Variants in FRMD4B observed in about 807,000 individuals in gnomAD.
FRMD4B encodes the protein FERM domain containing 4B.
In FRMD4B, 74 loss-of-function variants were observed where a neutral mutation model predicts 141.5. The observed-to-expected ratio is 0.52, with a 90% CI of 0.43 to 0.63. FRMD4B has a LOEUF of 0.63. FRMD4B is among the 30% of genes least tolerant of loss of function. The pLI, the probability that FRMD4B is intolerant of heterozygous loss-of-function variation, is 0.00. For synonymous variants in FRMD4B, 506 were observed against 467.9 expected (o/e 1.08, Z -1.05); for missense variants, 1,366 against 1,253.4 (o/e 1.09, Z -1.36).
intron 5 of FRMD4B, among the ~76,000 whole-genome samples, chr3:69,278,689 C>T (rs751660897): frequency 3.3e-5 from 5 of 151,118 alleles, no homozygotes; most frequent in Non-Finnish European, 5.9e-5. Flanking sequence ...TGGGTTCAAG[C>T]GATCCTCCCA....
At chr3:69,277,291 G>T (rs776291027) in intron 5 of FRMD4B, among the ~76,000 whole-genome samples, 1 of 152,028 alleles carries the variant, frequency 6.6e-6, no homozygotes, top group Non-Finnish European at 1.5e-5. Context: ...ATCTACTCCT[G>T]ATAAGCTGGA....
At chr3:69,486,154 G>T (rs1234111010) in intron 1 of FRMD4B, among the ~76,000 whole-genome samples, 1 of 152,210 alleles carries the variant, frequency 6.6e-6, no homozygotes. Context: ...TTGGCTGGAA[G>T]TCTGGTTATT....
chr3:69,364,603 A>G (rs1046798214), intron 1 of FRMD4B, among the ~76,000 whole-genome samples: 2 of 152,196 alleles, frequency 1.3e-5, no homozygotes, highest in African/African-American at 4.8e-5. Flanking sequence ...CAGAATAACC[A>G]TGGCATTAAT....
At chr3:69,263,524 A>T (rs969012681) in intron 5 of FRMD4B, among the ~76,000 whole-genome samples, 2 of 148,460 alleles carry the variant, frequency 1.3e-5, no homozygotes, top group Non-Finnish European at 3.0e-5. Flanking sequence ...TTCCCACCTC[A>T]GTCTTCCAAA....
chr3:69,393,638 T>C (rs1198779608), intron 2 of FRMD4B, among the ~76,000 whole-genome samples: 4 of 152,216 alleles, frequency 2.6e-5, no homozygotes, highest in African/African-American at 9.6e-5. Context: ...AATAAAATAG[T>C]TAAAAATTGG....
intron 1 of FRMD4B, among the ~76,000 whole-genome samples, chr3:69,351,327 A>G (rs1013451548): frequency 6.6e-6 from 1 of 152,236 alleles, no homozygotes; most frequent in Admixed American, 6.5e-5. Context: ...CCTCAGGGAC[A>G]AACGTAAGTC....
At chr3:69,251,747 A>G (rs2093464729) in intron 5 of FRMD4B, among the ~76,000 whole-genome samples, 1 of 152,254 alleles carries the variant, frequency 6.6e-6, no homozygotes, top group Non-Finnish European at 1.5e-5. Flanking sequence ...GATTGCAGAA[A>G]TCAACTGCCC....
In FRMD4B at chr3:69,181,441, TTC is replaced by T; in HGVS notation, c.2307_2308del (p.Asn770CysfsTer17). On this transcript the variant is annotated frameshift_variant, in exon 21 of 23. Coordinates refer to ENST00000398540, the MANE Select transcript of FRMD4B (RefSeq NM_015123.3). LOFTEE classifies it high-confidence loss of function. ...GCTTCCTGAATTTGAAGTAGAAACA[TTC>T]TGTTTCTTTGACCTCCTCCGACCCC... The T allele has an allele frequency of 1.9e-6, 3 of 1,613,822 alleles. No homozygotes were observed. Among genetic ancestry groups the T allele is most frequent in the Non-Finnish European group, 2.5e-6 (3 of 1,179,748 alleles).
intron 5 of FRMD4B, among the ~76,000 whole-genome samples, chr3:69,263,978 C>T (rs948037811): frequency 6.6e-6 from 1 of 151,320 alleles, no homozygotes; most frequent in Non-Finnish European, 1.5e-5. Flanking sequence ...GGCACACACC[C>T]CCAAGCCCTG....
At chr3:69,384,141 ATTGGCTCAGTC>A (rs1236587024) in intron 1 of FRMD4B, among the ~76,000 whole-genome samples, 7 of 152,162 alleles carry the variant, frequency 4.6e-5, no homozygotes, top group Non-Finnish European at 7.3e-5. Flanking sequence ...ATGATATGGT[ATTGGCTCAGTC>A]ACCATCCATT....
chr3:69,517,664 T>G (rs942886234), intron 1 of FRMD4B, among the ~76,000 whole-genome samples: 3 of 152,182 alleles, frequency 2.0e-5, no homozygotes, highest in African/African-American at 4.8e-5. Flanking sequence ...CCGGGCTTCC[T>G]GACTCCAATC....
rs182994307 is a variant in FRMD4B at position 69,275,606 on chromosome 3, A to T, written c.501+12146T>A. Reference sequence around the variant, plus strand: ...AGGCATGTACCCAGCTAGTTTTTTTAATTTTTTGTAGAGATAGGGTCTCTA... The same window carrying T: ...AGGCATGTACCCAGCTAGTTTTTTTTATTTTTTGTAGAGATAGGGTCTCTA... On this transcript the variant is annotated intron_variant, in intron 5 of 22. Transcript: ENST00000398540. Among the ~76,000 whole-genome samples the T allele has an allele frequency of 9.0e-3, 1,363 of 151,578 alleles. 23 individuals are homozygous for T. The highest frequency in any genetic ancestry group is 0.032 in the African/African-American group (1,302 of 41,276).
At chr3:69,273,497 T>C (rs536910824) in intron 5 of FRMD4B, among the ~76,000 whole-genome samples, 1 of 152,340 alleles carries the variant, frequency 6.6e-6, no homozygotes, top group South Asian at 2.1e-4. Flanking sequence ...AAGTAAAGTA[T>C]CAACTCTGGA....
chr3:69,286,312 T>C lies in FRMD4B; in HGVS notation c.501+1440A>G, dbSNP rs1004782040. The stretch of plus-strand genomic sequence containing the variant: ...TTGAATATTTACACAAAAATAATAA[T>C]GTCATGTGCATCTGTAACTTATCTA... On this transcript the variant is annotated intron_variant, in intron 5 of 22. Transcript: ENST00000398540. 5.3e-5 allele frequency among the ~76,000 whole-genome samples: 8 copies of C among 152,306 alleles called. No homozygotes were observed. In the Middle Eastern group the frequency reaches 0.01, roughly 194 times the overall value.
At chr3:69,417,914 T>C (rs942691447) in intron 2 of FRMD4B, among the ~76,000 whole-genome samples, 4 of 152,224 alleles carry the variant, frequency 2.6e-5, no homozygotes, top group African/African-American at 7.2e-5. Flanking sequence ...TGTGGCCACA[T>C]CACTCTAATC....
chr3:69,414,399 A>G (rs562131568), intron 2 of FRMD4B, among the ~76,000 whole-genome samples: 85 of 152,308 alleles, frequency 5.6e-4, no homozygotes, highest in Non-Finnish European at 4.7e-4. Flanking sequence ...CTTTTTACAA[A>G]TCTATACTAT....
At chr3:69,536,784 T>C (rs1394662230) in intron 1 of FRMD4B, 3 of 447,566 alleles carry the variant, frequency 6.7e-6, no homozygotes, top group African/African-American at 6.1e-5. Context: ...TCTTGCTCTG[T>C]CGCTCAGGCT....
intron 4 of FRMD4B, among the ~76,000 whole-genome samples, chr3:69,288,257 T>C (rs896238813): frequency 1.3e-5 from 2 of 152,256 alleles, no homozygotes; most frequent in South Asian, 4.1e-4. Context: ...CAAAGCCTGC[T>C]TGAGGCTCGG....
chr3:69,209,416 T>A (rs4566538), intron 11 of FRMD4B, among the ~76,000 whole-genome samples: 103,873 of 152,114 alleles, frequency 0.68, 37,085 homozygotes, highest in Non-Finnish European at 0.78. Context: ...TTCTATAAAT[T>A]AAAGTATGGT....
Sources: allele counts gnomAD v4.1 joint callset (sites outside exome capture counted in the v4.1 genomes callset), GRCh38; gene constraint gnomAD v4.1.1; transcripts MANE v1.5; gene names NCBI Gene and HGNC (gene_info 2026-07-23, HGNC 2026-07-21).